Variants in FGGY observed in about 807,000 individuals in gnomAD.
FGGY encodes the protein FGGY carbohydrate kinase domain-containing protein.
In FGGY, 72 loss-of-function variants were observed where a neutral mutation model predicts 71.3. That is an observed-to-expected ratio of 1.01 (90% confidence interval 0.84 to 1.23). The LOEUF is 1.23. Ranked by LOEUF, FGGY falls within the 50% of genes most tolerant of loss-of-function variation. The pLI is 0.00. For missense variants in FGGY, 668 were observed against 682.3 expected, an observed-to-expected ratio of 0.98 and a Z score of 0.23; for synonymous variants, 251 against 250.3, an observed-to-expected ratio of 1.00 and a Z score of -0.02.
intron 5 of FGGY, among the ~76,000 whole-genome samples, chr1:59,404,088 G>T (rs544431506): frequency 1.7e-4 from 26 of 152,296 alleles, no homozygotes; most frequent in Admixed American, 3.3e-4. Context: ...AAGGGAACTG[G>T]ATGCTTCTGG....
At chr1:59,521,779 T>C (rs2094840861) in intron 7 of FGGY, among the ~76,000 whole-genome samples, 1 of 152,150 alleles carries the variant, frequency 6.6e-6, no homozygotes, top group South Asian at 2.1e-4. Context: ...TACTACACTG[T>C]CTCCAGATTA....
intron 5 of FGGY, among the ~76,000 whole-genome samples, chr1:59,447,873 T>TG (rs1239028813): frequency 6.6e-6 from 1 of 152,194 alleles, no homozygotes; most frequent in African/African-American, 2.4e-5. Context: ...ACTAATACAT[T>TG]GGACCTTAGT....
chr1:59,573,892 C>G (rs2096032420), intron 8 of FGGY, among the ~76,000 whole-genome samples: 1 of 152,190 alleles, frequency 6.6e-6, no homozygotes, highest in South Asian at 2.1e-4. Flanking sequence ...ATTTAACACT[C>G]AAGCTAAACT....
chr1:59,698,313 T>C (rs1257970114), intron 14 of FGGY, among the ~76,000 whole-genome samples: 1 of 152,154 alleles, frequency 6.6e-6, no homozygotes, highest in Non-Finnish European at 1.5e-5. Flanking sequence ...TGATACTTGG[T>C]CCTTTACTTC....
chr1:59,495,316 G>T (rs1274256873), intron 6 of FGGY, among the ~76,000 whole-genome samples: 1 of 151,986 alleles, frequency 6.6e-6, no homozygotes, highest in Non-Finnish European at 1.5e-5. Flanking sequence ...CTTTTGCTGT[G>T]TGGAAGCTTT....
chr1:59,561,552 G>A (rs1467944905), intron 8 of FGGY, among the ~76,000 whole-genome samples: 1 of 152,148 alleles, frequency 6.6e-6, no homozygotes, highest in Non-Finnish European at 1.5e-5. Context: ...CCAGGCAGTA[G>A]CACCCTTTCC....
intron 8 of FGGY, among the ~76,000 whole-genome samples, chr1:59,582,750 T>C (rs1278521927): frequency 6.7e-6 from 1 of 150,242 alleles, no homozygotes; most frequent in East Asian, 1.9e-4. Flanking sequence ...TGCTGTGAAT[T>C]CCTTGAGGAC....
chr1:59,587,579 G>A (rs2096329029), intron 8 of FGGY, among the ~76,000 whole-genome samples: 3 of 152,242 alleles, frequency 2.0e-5, no homozygotes, highest in South Asian at 4.2e-4. Flanking sequence ...CACACGGCCG[G>A]GTACTCCTCT....
At chr1:59,718,309 C>CATTA (rs1410311368) in intron 14 of FGGY, among the ~76,000 whole-genome samples, 1 of 152,166 alleles carries the variant, frequency 6.6e-6, no homozygotes, top group Admixed American at 6.5e-5. Context: ...TTTATTAACA[C>CATTA]ATTATTATGA....
At chr1:59,594,426 T>G (rs567479205) in intron 8 of FGGY, among the ~76,000 whole-genome samples, 1 of 152,358 alleles carries the variant, frequency 6.6e-6, no homozygotes, top group East Asian at 1.9e-4. Context: ...TATTCTTGTC[T>G]GTCTTTTACA....
chr1:59,454,664 C>A (rs1337312493), intron 5 of FGGY, among the ~76,000 whole-genome samples: 1 of 152,208 alleles, frequency 6.6e-6, no homozygotes, highest in Non-Finnish European at 1.5e-5. Flanking sequence ...CAGATTATGT[C>A]AGGTTCTTCT....
intron 10 of FGGY, among the ~76,000 whole-genome samples, chr1:59,634,279 C>T (rs1011935400): frequency 1.6e-4 from 25 of 152,128 alleles, no homozygotes; most frequent in South Asian, 1.0e-3. Flanking sequence ...TGGTGGCACA[C>T]GCCTGTAGTC....
chr1:59,471,698 T>G (rs2092948665), intron 6 of FGGY, among the ~76,000 whole-genome samples: 1 of 152,226 alleles, frequency 6.6e-6, no homozygotes, highest in African/African-American at 2.4e-5. Flanking sequence ...GTGTCTCCTG[T>G]GTGCCAGGTG....
intron 14 of FGGY, among the ~76,000 whole-genome samples, chr1:59,690,706 T>C (rs889569535): frequency 6.6e-6 from 1 of 152,348 alleles, no homozygotes; most frequent in African/African-American, 2.4e-5. Flanking sequence ...ACAGAGACTT[T>C]GTAATCTTCC....
chr1:59,367,429 C>T (rs1422248612), intron 4 of FGGY, among the ~76,000 whole-genome samples: 3 of 152,156 alleles, frequency 2.0e-5, no homozygotes, highest in Non-Finnish European at 4.4e-5. Flanking sequence ...CTAGCTCTTT[C>T]TTGGGTAGTT....
intron 10 of FGGY, among the ~76,000 whole-genome samples, chr1:59,633,728 A>AG (rs1360466092): frequency 6.6e-6 from 1 of 152,200 alleles, no homozygotes; most frequent in Non-Finnish European, 1.5e-5. Context: ...CTTGACCTGG[A>AG]ACTCATAAGA....
rs1448823302 is a variant in FGGY at position 59,355,148 on chromosome 1, T to TA, written c.465+8757dup. On this transcript the variant is annotated intron_variant, in intron 4 of 15. Coordinates refer to ENST00000303721, the MANE Select transcript of FGGY (RefSeq NM_018291.5). ...TGTGACACAGTATGTTTTATGACCT[T>TA]AAAAAAATCATTCTGGCATATGTGC... Among the ~76,000 whole-genome samples, 3 of 152,198 alleles carry TA rather than the reference T, an allele frequency of 2.0e-5. No individual in the cohort carries two copies. In the East Asian group the frequency reaches 5.8e-4, roughly 29 times the overall value.
chr1:59,655,436 C>T (rs750939814), intron 11 of FGGY, among the ~76,000 whole-genome samples: 1 of 151,292 alleles, frequency 6.6e-6, no homozygotes, highest in African/African-American at 2.4e-5. Context: ...CTCCACCCCA[C>T]CCCACCACAG....
chr1:59,518,842 T>A (rs1256586143), intron 7 of FGGY, among the ~76,000 whole-genome samples: 1 of 152,210 alleles, frequency 6.6e-6, no homozygotes, highest in East Asian at 1.9e-4. Context: ...TTCTATAAAC[T>A]GTTCAGTTTC....
Sources: allele counts gnomAD v4.1 joint callset (sites outside exome capture counted in the v4.1 genomes callset), GRCh38; gene constraint gnomAD v4.1.1; transcripts MANE v1.5; gene names NCBI Gene and HGNC (gene_info 2026-07-23, HGNC 2026-07-21).